The following HAPLN1 variants were observed in gnomAD, a reference collection of about 807,000 sequenced individuals.
The protein encoded by HAPLN1 is hyaluronan and proteoglycan link protein 1, also known as Cartilage link protein.
Under a neutral mutation model 36.5 loss-of-function variants are expected in HAPLN1, and 13 were observed. That is an observed-to-expected ratio of 0.36 (90% CI 0.23 to 0.57). HAPLN1 has a LOEUF of 0.57. Ranked by LOEUF, HAPLN1 falls within the 20% of genes least tolerant of loss-of-function variation. HAPLN1 has a pLI of 0.83. For synonymous variants in HAPLN1, 202 were observed against 169.8 expected (o/e 1.19, Z -1.48); for missense variants, 407 against 439.7 (o/e 0.93, Z 0.66).
chr5:83,673,080 T>G (rs137928372), intron 2 of HAPLN1, among the ~76,000 whole-genome samples: 263 of 152,370 alleles, frequency 1.7e-3, no homozygotes, highest in Non-Finnish European at 3.0e-3. Context: ...TGACCTTATA[T>G]CCTAAGTTTT....
At chr5:83,683,739 C>T (rs1394646570) in intron 1 of HAPLN1, among the ~76,000 whole-genome samples, 2 of 152,174 alleles carry the variant, frequency 1.3e-5, no homozygotes, top group Admixed American at 6.5e-5. Context: ...CTCACATACA[C>T]AGCTGCCAGT....
At chr5:83,720,562 T>C (rs149938174) in intron 1 of HAPLN1, among the ~76,000 whole-genome samples, 4 of 152,350 alleles carry the variant, frequency 2.6e-5, no homozygotes, top group Non-Finnish European at 4.4e-5. Context: ...GTTAATTCTT[T>C]CTCCATTTTT....
chr5:83,696,082 A>T (rs1751383943), intron 1 of HAPLN1, among the ~76,000 whole-genome samples: 1 of 152,190 alleles, frequency 6.6e-6, no homozygotes, highest in Non-Finnish European at 1.5e-5. Context: ...AAGTTGCTGG[A>T]TATATGATCC....
chr5:83,700,140 G>A, intron 1 of HAPLN1, among the ~76,000 whole-genome samples: 1 of 149,318 alleles, frequency 6.7e-6, no homozygotes. Context: ...GTTACAGTGA[G>A]CTGAGATTGC....
At chr5:83,693,890 C>G (rs1006581921) in intron 1 of HAPLN1, among the ~76,000 whole-genome samples, 1 of 151,708 alleles carries the variant, frequency 6.6e-6, no homozygotes, top group Admixed American at 6.6e-5. Context: ...ATTGATGGAA[C>G]AAGTAAGCAG....
chr5:83,719,299 C>T (rs1303776570), intron 1 of HAPLN1, among the ~76,000 whole-genome samples: 1 of 152,200 alleles, frequency 6.6e-6, no homozygotes, highest in Non-Finnish European at 1.5e-5. Flanking sequence ...ATACTGGCCT[C>T]TGGGTACATT....
At position 83,644,649 on chromosome 5, in the gene HAPLN1, G is replaced by A; in HGVS notation, c.489C>T (p.Tyr163=). 1 of 1,473,904 alleles carries A rather than the reference G, an allele frequency of 6.8e-7. No homozygotes were observed. The highest frequency in any genetic ancestry group is 9.0e-7 in the Non-Finnish European group (1 of 1,108,630). The allele number at this position is 1,473,904 out of a possible 1,614,324, so 91.3% of individuals were successfully genotyped here. The change falls in exon 4 of 5, where the codon TAC becomes TAT. Residue 163 remains tyrosine, a synonymous_variant. Transcript: ENST00000274341. ...ALDLQGVVFP[Y]FPRLGRYNLN... is the part of the protein sequence containing the mutation. ...GATTGTAGCGCCCCAGTCGTGGAAA[G>A]TAAGGGAATACCACACCTGTCCAAA...
intron 1 of HAPLN1, among the ~76,000 whole-genome samples, chr5:83,690,944 A>G (rs1481262066): frequency 6.6e-6 from 1 of 152,022 alleles, no homozygotes; most frequent in Non-Finnish European, 1.5e-5. Flanking sequence ...AAATAAAACC[A>G]CCTAGGACTT....
chr5:83,682,040 T>A (rs1471761903), intron 1 of HAPLN1, among the ~76,000 whole-genome samples: 2 of 152,178 alleles, frequency 1.3e-5, no homozygotes, highest in Admixed American at 6.5e-5. Context: ...TTCAACTAAA[T>A]GCATTTGAAA....
chr5:83,678,556 C>T (rs935195418), intron 1 of HAPLN1, among the ~76,000 whole-genome samples: 2 of 152,074 alleles, frequency 1.3e-5, no homozygotes, highest in Non-Finnish European at 2.9e-5. Context: ...TGGCTGTGGA[C>T]TTTGGATGAT....
chr5:83,648,132 A>G (rs1055488078), intron 3 of HAPLN1, among the ~76,000 whole-genome samples: 15 of 151,996 alleles, frequency 9.9e-5, no homozygotes, highest in African/African-American at 3.6e-4. Flanking sequence ...TTACATCTGT[A>G]TAAAGCTTGT....
intron 3 of HAPLN1, among the ~76,000 whole-genome samples, chr5:83,645,297 A>G (rs958278161): frequency 1.3e-5 from 2 of 152,114 alleles, no homozygotes; most frequent in Admixed American, 1.3e-4. Flanking sequence ...ACTTGCAGAT[A>G]AGTAACCTTC....
rs376307799 is a variant in HAPLN1 at position 83,644,600 on chromosome 5, C to T, written c.538G>A (p.Ala180Thr). Residue 180 changes from alanine (A) to threonine (T), a missense_variant, in exon 4 of 5, where the codon GCG becomes ACG. Coordinates refer to ENST00000274341, the MANE Select transcript of HAPLN1 (RefSeq NM_001884.4). ...YNLNFHEAQQACLDQDAVIAS... is the reference protein window; with the variant it reads ...YNLNFHEAQQTCLDQDAVIAS... Reference sequence around the variant, plus strand: ...ATCACAGCATCCTGGTCCAGACACGCCTGCTGCGCCTCGTGAAAATTGAGA... The same window carrying T: ...ATCACAGCATCCTGGTCCAGACACGTCTGCTGCGCCTCGTGAAAATTGAGA... 2.6e-6 allele frequency: 4 copies of T among 1,528,594 alleles called. No homozygotes were observed. The East Asian group carries it at 7.2e-5, about 28-fold the overall frequency. The allele number at this position is 1,528,594 out of a possible 1,614,324, so 94.7% of individuals were successfully genotyped here.
intron 4 of HAPLN1, among the ~76,000 whole-genome samples, chr5:83,642,489 G>T (rs545320742): frequency 6.6e-6 from 1 of 152,042 alleles, no homozygotes; most frequent in African/African-American, 2.4e-5. Context: ...AATTAGTCCC[G>T]ATCACTTATT....
Position 83,680,647 on chromosome 5 carries a change from A to C in HAPLN1, c.-26-7098T>G, listed in dbSNP as rs941100041. On this transcript the variant is annotated intron_variant, in intron 1 of 4. Coordinates refer to ENST00000274341, the MANE Select transcript of HAPLN1 (RefSeq NM_001884.4). ...GATGATGGTGACATTAAAAGGAAAT[A>C]AACGTCTTATCTTCCCCTGTGTTTA... Among the ~76,000 whole-genome samples the C allele has an allele frequency of 2.8e-4, 43 of 152,190 alleles. 1 individual carries two copies. Among genetic ancestry groups the C allele is most frequent in the Admixed American group, 1.9e-3 (29 of 15,280 alleles).
chr5:83,672,649 A>G (rs2112597866), intron 2 of HAPLN1, among the ~76,000 whole-genome samples: 1 of 152,332 alleles, frequency 6.6e-6, no homozygotes, highest in East Asian at 1.9e-4. Flanking sequence ...TATGTCTCTT[A>G]GCAAACTTAT....
chr5:83,672,226 T>G (rs73133839), intron 2 of HAPLN1, among the ~76,000 whole-genome samples: 12,259 of 152,284 alleles, frequency 0.081, 583 homozygotes, highest in East Asian at 0.17. Context: ...TTGGCTGAAT[T>G]GAATTCTGTC....
chr5:83,648,835 G>A (rs181113362), intron 3 of HAPLN1, among the ~76,000 whole-genome samples: 1 of 152,080 alleles, frequency 6.6e-6, no homozygotes. Flanking sequence ...ATAACCAGAA[G>A]GTATGTCTTT....
At chr5:83,650,184 G>T (rs1409147802) in intron 3 of HAPLN1, among the ~76,000 whole-genome samples, 3 of 152,164 alleles carry the variant, frequency 2.0e-5, no homozygotes, top group Non-Finnish European at 4.4e-5. Context: ...TCACAGTGGA[G>T]TAGAGCATAG....
Sources: allele counts gnomAD v4.1 joint callset (sites outside exome capture counted in the v4.1 genomes callset), GRCh38; gene constraint gnomAD v4.1.1; transcripts MANE v1.5; gene names NCBI Gene and HGNC (gene_info 2026-07-23, HGNC 2026-07-21).